The following GMDS variants were observed in gnomAD, a reference collection of about 807,000 sequenced individuals.
The protein encoded by GMDS is GDP-mannose 4,6 dehydratase.
A neutral mutation model predicts 49.9 loss-of-function variants in GMDS; 20 were observed. The observed-to-expected ratio is 0.40, with a 90% CI of 0.28 to 0.58. The LOEUF is 0.58. Among genes scored for constraint, GMDS ranks in the 20% least tolerant of loss-of-function variants. GMDS has a pLI of 0.42. For missense variants in GMDS, 362 were observed against 481.4 expected (o/e 0.75, Z 2.32); for synonymous variants, 177 against 178.6 (o/e 0.99, Z 0.07).
chr6:1,638,966 T>C (rs970890876), intron 9 of GMDS, among the ~76,000 whole-genome samples: 1 of 152,160 alleles, frequency 6.6e-6, no homozygotes, highest in Non-Finnish European at 1.5e-5. Context: ...GAAATCTTCT[T>C]ATTCCATCCT....
intron 7 of GMDS, among the ~76,000 whole-genome samples, chr6:1,803,700 T>G (rs1364997476): frequency 6.6e-6 from 1 of 152,198 alleles, no homozygotes; most frequent in Non-Finnish European, 1.5e-5. Context: ...TGATCAACAC[T>G]TACCCTGTTT....
At chr6:1,962,474 C>A (rs1258888686) in intron 4 of GMDS, among the ~76,000 whole-genome samples, 1 of 152,176 alleles carries the variant, frequency 6.6e-6, no homozygotes, top group African/African-American at 2.4e-5. Flanking sequence ...AACTACCAGA[C>A]CATTTTCCAA....
At chr6:1,939,844 A>G (rs919744571) in intron 6 of GMDS, among the ~76,000 whole-genome samples, 2 of 152,200 alleles carry the variant, frequency 1.3e-5, no homozygotes, top group African/African-American at 2.4e-5. Flanking sequence ...ACAATGTATT[A>G]CTTCAATAGA....
intron 1 of GMDS, among the ~76,000 whole-genome samples, chr6:2,228,809 A>C (rs1780939696): frequency 6.6e-6 from 1 of 152,172 alleles, no homozygotes; most frequent in South Asian, 2.1e-4. Context: ...AATTAGCCCC[A>C]ATACCCCCCG....
intron 9 of GMDS, among the ~76,000 whole-genome samples, chr6:1,713,217 T>G (rs568916292): frequency 6.6e-6 from 1 of 152,248 alleles, no homozygotes; most frequent in Non-Finnish European, 1.5e-5. Context: ...GTATGCCAAG[T>G]CAAACCACCA....
At chr6:2,172,922 T>C (rs1367576452) in intron 1 of GMDS, among the ~76,000 whole-genome samples, 5 of 152,262 alleles carry the variant, frequency 3.3e-5, no homozygotes, top group African/African-American at 9.6e-5. Flanking sequence ...ACAGCATTCA[T>C]GAAACATTTG....
At chr6:2,243,843 CTTTTTTTTTTTTTTTTT>C (rs68171156) in intron 1 of GMDS, among the ~76,000 whole-genome samples, 12 of 58,152 alleles carry the variant, frequency 2.1e-4, no homozygotes, top group African/African-American at 5.4e-4. Flanking sequence ...ACTTCTCCTT[CTTTTTTTTTTTTTTTTT>C]TTTTTTTTTT....
intron 4 of GMDS, among the ~76,000 whole-genome samples, chr6:2,103,927 G>A (rs927776552): frequency 2.6e-5 from 4 of 152,332 alleles, no homozygotes; most frequent in Admixed American, 6.5e-5. Context: ...AGCAAACCCA[G>A]TATGGGGACT....
intron 7 of GMDS, among the ~76,000 whole-genome samples, chr6:1,747,285 C>T (rs975110256): frequency 4.6e-5 from 7 of 152,118 alleles, no homozygotes; most frequent in Admixed American, 2.0e-4. Flanking sequence ...GCTTCCACCT[C>T]GACGTTAACC....
chr6:1,914,144 T>TTG (rs1554132895), intron 7 of GMDS, among the ~76,000 whole-genome samples: 4 of 147,542 alleles, frequency 2.7e-5, no homozygotes, highest in East Asian at 3.9e-4. Flanking sequence ...TTTTTTTTTT[T>TTG]TTTTTTTTTT....
intron 1 of GMDS, among the ~76,000 whole-genome samples, chr6:2,125,423 C>T (rs1775369291): frequency 6.6e-6 from 1 of 152,084 alleles, no homozygotes; most frequent in African/African-American, 2.4e-5. Context: ...CCACCATGCC[C>T]AGCCCAAAAC....
rs35230658 is a variant in GMDS at position 2,059,707 on chromosome 6, C to CA, written c.345+56063dup. On this transcript the variant is annotated intron_variant, in intron 4 of 10. Transcript: ENST00000380815. ...TGGGCGACAGAGCGAGACTCCGTCT[C>CA]AAAAAAAAAAAAAAAAAAAATGCAC... Among the ~76,000 whole-genome samples, 152 of 17,772 alleles carry CA rather than the reference C, an allele frequency of 8.6e-3. 27 individuals are homozygous for CA. Among genetic ancestry groups the CA allele is most frequent in the Admixed American group, 0.049 (48 of 974 alleles). 11.7% of individuals were successfully genotyped at this position (17,772 alleles called of 152,430 possible).
At chr6:1,741,838 G>A (rs75767459) in intron 8 of GMDS, among the ~76,000 whole-genome samples, 2,059 of 100,366 alleles carry the variant, frequency 0.021, 19 homozygotes, top group Admixed American at 0.043. Flanking sequence ...AAAAAAAAAA[G>A]AAGGTGCTTA....
At chr6:1,637,636 C>G (rs1473525454) in intron 9 of GMDS, among the ~76,000 whole-genome samples, 1 of 152,220 alleles carries the variant, frequency 6.6e-6, no homozygotes, top group East Asian at 1.9e-4. Flanking sequence ...AGATCATAAC[C>G]AAATGCCTGA....
chr6:2,209,967 A>C (rs1466456616), intron 1 of GMDS, among the ~76,000 whole-genome samples: 2 of 152,222 alleles, frequency 1.3e-5, no homozygotes, highest in African/African-American at 4.8e-5. Context: ...TAAACAAGAC[A>C]GCCTTAACAT....
chr6:1,949,918 T>C (rs1371161135), intron 6 of GMDS, among the ~76,000 whole-genome samples: 1 of 152,220 alleles, frequency 6.6e-6, no homozygotes, highest in East Asian at 1.9e-4. Context: ...TCTCTGATGC[T>C]CATCTACAAA....
chr6:2,196,835 C>A (rs1779293142), intron 1 of GMDS, among the ~76,000 whole-genome samples: 1 of 152,126 alleles, frequency 6.6e-6, no homozygotes, highest in African/African-American at 2.4e-5. Context: ...AGATTTTTAT[C>A]AAAGCAGAAT....
intron 9 of GMDS, among the ~76,000 whole-genome samples, chr6:1,725,972 A>C (rs1219674746): frequency 7.2e-5 from 11 of 152,178 alleles, no homozygotes; most frequent in Non-Finnish European, 1.3e-4. Flanking sequence ...AGCAGGGGAG[A>C]CCATTTATGG....
chr6:1,991,039 T>A (rs1333889289), intron 4 of GMDS, among the ~76,000 whole-genome samples: 1 of 152,136 alleles, frequency 6.6e-6, no homozygotes, highest in Non-Finnish European at 1.5e-5. Context: ...TTAGCTCCCT[T>A]TTGGGTTCTC....
Sources: allele counts gnomAD v4.1 joint callset (sites outside exome capture counted in the v4.1 genomes callset), GRCh38; gene constraint gnomAD v4.1.1; transcripts MANE v1.5; gene names NCBI Gene and HGNC (gene_info 2026-07-23, HGNC 2026-07-21).